NUMB: variants seen among roughly 807,000 people sequenced by gnomAD.
NUMB encodes NUMB endocytic adaptor protein, also known as protein numb homolog.
NUMB carries 29 observed loss-of-function variants against 59.7 expected under a neutral mutation model. The observed-to-expected ratio is 0.49, with a 90% CI of 0.36 to 0.66. NUMB has a LOEUF of 0.66. Ranked by LOEUF, NUMB falls within the 30% of genes least tolerant of loss-of-function variation. The pLI is 0.00. For synonymous variants in NUMB, 288 were observed against 288.2 expected (o/e 1.00, Z 0.01); for missense variants, 723 against 822.0 (o/e 0.88, Z 1.47).
chr14:73,295,566 T>TA (rs1050962525), intron 7 of NUMB, among the ~76,000 whole-genome samples: 12 of 151,968 alleles, frequency 7.9e-5, no homozygotes, highest in Non-Finnish European at 1.3e-4. Flanking sequence ...CTCTTGAACT[T>TA]AAAAAAAAGT....
intron 4 of NUMB, among the ~76,000 whole-genome samples, chr14:73,333,750 A>AT (rs1892123837): frequency 6.6e-6 from 1 of 151,720 alleles, no homozygotes; most frequent in Admixed American, 6.6e-5. Context: ...CAATGTATCT[A>AT]TTTTTTCTTT....
chr14:73,411,502 C>T (rs1305528689), intron 1 of NUMB, among the ~76,000 whole-genome samples: 9 of 152,144 alleles, frequency 5.9e-5, no homozygotes, highest in Non-Finnish European at 1.5e-5. Flanking sequence ...TTAATAACGA[C>T]ATGGTACAAG....
At chr14:73,286,720 G>A (rs1889030069) in intron 9 of NUMB, 2 of 251,872 alleles carry the variant, frequency 7.9e-6, no homozygotes, top group South Asian at 5.2e-5. Flanking sequence ...ATCATAGTCC[G>A]TGGATGCTTT....
chr14:73,309,402 T>C (rs904731858), intron 6 of NUMB, among the ~76,000 whole-genome samples: 2 of 152,106 alleles, frequency 1.3e-5, no homozygotes, highest in African/African-American at 4.8e-5. Flanking sequence ...TAAAAAAGAA[T>C]GAGTTCATGT....
chr14:73,378,026 C>T (rs907883477), intron 2 of NUMB, among the ~76,000 whole-genome samples: 2 of 150,234 alleles, frequency 1.3e-5, no homozygotes, highest in Non-Finnish European at 3.0e-5. Context: ...CACATACACA[C>T]ACACACACAC....
chr14:73,381,184 C>A (rs190778670), intron 2 of NUMB, among the ~76,000 whole-genome samples: 8 of 152,228 alleles, frequency 5.3e-5, no homozygotes, highest in Non-Finnish European at 7.4e-5. Context: ...AGGCAGCATT[C>A]CACATTGTCT....
chr14:73,328,802 C>T (rs918966104), intron 4 of NUMB, among the ~76,000 whole-genome samples: 4 of 152,140 alleles, frequency 2.6e-5, no homozygotes, highest in Non-Finnish European at 5.9e-5. Flanking sequence ...TAATAATACA[C>T]TCTGGGTTCA....
intron 4 of NUMB, among the ~76,000 whole-genome samples, chr14:73,350,001 C>T: frequency 6.6e-6 from 1 of 151,980 alleles, no homozygotes; most frequent in South Asian, 2.1e-4. Flanking sequence ...GGCGTGGTTG[C>T]ACCACTGCAC....
At chr14:73,356,640 G>A (rs1053201567) in intron 3 of NUMB, among the ~76,000 whole-genome samples, 2 of 152,034 alleles carry the variant, frequency 1.3e-5, no homozygotes, top group African/African-American at 4.8e-5. Flanking sequence ...TCAAAAATAA[G>A]TAAATAAATA....
chr14:73,360,388 T>C (rs1894041209), intron 3 of NUMB, among the ~76,000 whole-genome samples: 1 of 152,134 alleles, frequency 6.6e-6, no homozygotes, highest in South Asian at 2.1e-4. Flanking sequence ...AAACCCTGTC[T>C]CTACTAAAAA....
At chr14:73,313,668 G>GAAAAAAAAAAAAAAAAAAA (rs10582204) in intron 6 of NUMB, among the ~76,000 whole-genome samples, 47 of 124,086 alleles carry the variant, frequency 3.8e-4, no homozygotes, top group African/African-American at 1.3e-3. Context: ...TCCAAAATCT[G>GAAAAAAAAAAAAAAAAAAA]AAAAAAAAAA....
intron 2 of NUMB, among the ~76,000 whole-genome samples, chr14:73,383,995 C>T (rs779837449): frequency 5.9e-5 from 9 of 151,390 alleles, no homozygotes; most frequent in South Asian, 2.1e-4. Flanking sequence ...CCAGCCTGGG[C>T]GACAGAGTGA....
intron 4 of NUMB, among the ~76,000 whole-genome samples, chr14:73,352,475 C>T (rs58702931): frequency 1.1e-3 from 15 of 13,720 alleles, no homozygotes; most frequent in African/African-American, 2.9e-3. Flanking sequence ...CACACACACA[C>T]ACATATATAT....
At chr14:73,355,245 A>G (rs1252219783) in intron 4 of NUMB, among the ~76,000 whole-genome samples, 1 of 152,196 alleles carries the variant, frequency 6.6e-6, no homozygotes, top group Non-Finnish European at 1.5e-5. Flanking sequence ...AAAATAAACA[A>G]GACTTGTATT....
chr14:73,379,719 G>C (rs1376901677), intron 2 of NUMB, among the ~76,000 whole-genome samples: 3 of 152,196 alleles, frequency 2.0e-5, no homozygotes, highest in East Asian at 1.9e-4. Context: ...CAAGTGTACA[G>C]GTCCTGAGGC....
chr14:73,371,687 G>C (rs531086455), intron 2 of NUMB, among the ~76,000 whole-genome samples: 4 of 152,230 alleles, frequency 2.6e-5, no homozygotes, highest in African/African-American at 9.6e-5. Context: ...AGCACTTAAG[G>C]AGTGATTAGG....
chr14:73,403,530 T>A, intron 2 of NUMB, among the ~76,000 whole-genome samples: 1 of 152,222 alleles, frequency 6.6e-6, no homozygotes, highest in Non-Finnish European at 1.5e-5. Context: ...GAGGAAAGAA[T>A]GAGAGACAAG....
chr14:73,307,423 T>A (rs959722868), intron 6 of NUMB, among the ~76,000 whole-genome samples: 1 of 150,860 alleles, frequency 6.6e-6, no homozygotes, highest in Non-Finnish European at 1.5e-5. Flanking sequence ...GGCTTTTGAG[T>A]GAAGGGAAAG....
chr14:73,456,183 C>A (rs1318128903), intron 1 of NUMB, among the ~76,000 whole-genome samples: 1 of 151,572 alleles, frequency 6.6e-6, no homozygotes, highest in African/African-American at 2.4e-5. Context: ...GATCTCGGCT[C>A]ACTGCAACCT....
Sources: gnomAD v4.1 joint callset for allele counts (sites outside exome capture counted in the v4.1 genomes callset) on GRCh38, gnomAD v4.1.1 for gene constraint, MANE v1.5 for transcripts, NCBI Gene and HGNC (gene_info 2026-07-23, HGNC 2026-07-21) for gene names.